Variants in AFG1L observed in about 807,000 individuals in gnomAD.
The protein encoded by AFG1L is AFG1-like ATPase.
In AFG1L, 53 loss-of-function variants were observed where a neutral mutation model predicts 62.2. The observed-to-expected ratio is 0.85, with a 90% CI of 0.68 to 1.07. The LOEUF (loss-of-function observed/expected upper bound fraction) is 1.07. AFG1L is among the 50% of genes least tolerant of loss of function. The pLI, the probability that AFG1L is intolerant of heterozygous loss-of-function variation, is 0.00. For synonymous variants in AFG1L, 228 were observed against 210.3 expected (o/e 1.08, Z -0.73); for missense variants, 555 against 590.5 (o/e 0.94, Z 0.62).
intron 8 of AFG1L, among the ~76,000 whole-genome samples, chr6:108,465,656 A>ACTGCTG (rs10574143): frequency 2.0e-5 from 3 of 150,714 alleles, no homozygotes; most frequent in East Asian, 1.9e-4. Context: ...TCATAGAGTC[A>ACTGCTG]CTGCTGCTGC....
intron 1 of AFG1L, among the ~76,000 whole-genome samples, chr6:108,317,096 A>G (rs1427964066): frequency 6.6e-6 from 1 of 152,208 alleles, no homozygotes; most frequent in Admixed American, 6.5e-5. Context: ...TTGTAAGGAT[A>G]TCAGTGACAA....
At chr6:108,486,584 A>G (rs970247294) in intron 10 of AFG1L, among the ~76,000 whole-genome samples, 1 of 152,238 alleles carries the variant, frequency 6.6e-6, no homozygotes, top group Admixed American at 6.5e-5. Context: ...CTTAAGAATT[A>G]TAAGATTTTC....
chr6:108,322,049 G>A (rs1200918003), intron 1 of AFG1L, among the ~76,000 whole-genome samples: 1 of 151,964 alleles, frequency 6.6e-6, no homozygotes, highest in Non-Finnish European at 1.5e-5. Context: ...TTTAAGCCTG[G>A]CTAATTAAAA....
intron 7 of AFG1L, among the ~76,000 whole-genome samples, chr6:108,405,453 C>T (rs964482372): frequency 2.6e-5 from 4 of 152,028 alleles, no homozygotes; most frequent in African/African-American, 9.7e-5. Context: ...CTCAGGTGAT[C>T]CTCCTGCCCC....
intron 7 of AFG1L, among the ~76,000 whole-genome samples, chr6:108,405,066 C>T (rs1407763470): frequency 1.3e-5 from 2 of 152,068 alleles, no homozygotes; most frequent in Non-Finnish European, 2.9e-5. Flanking sequence ...GTGAATGGAG[C>T]TTTTAAATAT....
At chr6:108,440,006 A>G (rs1771471881) in intron 7 of AFG1L, among the ~76,000 whole-genome samples, 1 of 151,472 alleles carries the variant, frequency 6.6e-6, no homozygotes, top group Non-Finnish European at 1.5e-5. Flanking sequence ...AGAACTATAT[A>G]TAATATGATA....
In AFG1L at chr6:108,316,572, T is replaced by C. The variant is rs569389613; in HGVS notation, c.140-7253T>C. On this transcript the variant is annotated intron_variant, in intron 1 of 12. Transcript: ENST00000368977. ...TTTTTGAGATAGAGTCTCACTCTGT[T>C]GCCCAGGCTGGAGTGCAGTGGTGCG... is the stretch of plus-strand genomic sequence containing the variant. Among the ~76,000 whole-genome samples, 6 of 147,406 alleles carry C rather than the reference T, an allele frequency of 4.1e-5. No individual in the cohort carries two copies. In the East Asian group the frequency reaches 6.1e-4, roughly 15 times the overall value.
At chr6:108,485,181 T>G (rs1241383106) in intron 10 of AFG1L, among the ~76,000 whole-genome samples, 1 of 152,176 alleles carries the variant, frequency 6.6e-6, no homozygotes, top group Non-Finnish European at 1.5e-5. Flanking sequence ...CAAGAGCAGC[T>G]TCTTAGATGA....
At chr6:108,428,095 C>T (rs1048577418) in intron 7 of AFG1L, among the ~76,000 whole-genome samples, 3 of 152,000 alleles carry the variant, frequency 2.0e-5, no homozygotes, top group African/African-American at 7.3e-5. Flanking sequence ...TATACTCACC[C>T]CTCTATAACC....
intron 6 of AFG1L, among the ~76,000 whole-genome samples, chr6:108,385,639 T>C (rs1562124268): frequency 6.6e-6 from 1 of 152,164 alleles, no homozygotes; most frequent in Non-Finnish European, 1.5e-5. Context: ...TTTCTGTACG[T>C]GTGTCTTTAA....
intron 6 of AFG1L, among the ~76,000 whole-genome samples, chr6:108,369,156 C>T (rs1426221625): frequency 6.6e-6 from 1 of 152,014 alleles, no homozygotes. Flanking sequence ...CTCAGAGAGA[C>T]TAAGCATATC....
chr6:108,459,492 A>G (rs560925689), intron 8 of AFG1L, among the ~76,000 whole-genome samples: 55 of 152,330 alleles, frequency 3.6e-4, no homozygotes, highest in Middle Eastern at 3.4e-3. Context: ...TTTAAGGCAG[A>G]TAGGTAACTC....
At chr6:108,409,048 G>A (rs1781988144) in intron 7 of AFG1L, among the ~76,000 whole-genome samples, 1 of 152,088 alleles carries the variant, frequency 6.6e-6, no homozygotes, top group African/African-American at 2.4e-5. Context: ...CGATAATGTA[G>A]AATAATGCTT....
At chr6:108,509,540 G>A (rs977796243) in intron 10 of AFG1L, among the ~76,000 whole-genome samples, 1 of 152,142 alleles carries the variant, frequency 6.6e-6, no homozygotes, top group Non-Finnish European at 1.5e-5. Context: ...TCACGGGAAG[G>A]GTTTATTAGG....
At chr6:108,459,696 G>T (rs539433436) in intron 8 of AFG1L, among the ~76,000 whole-genome samples, 84 of 152,258 alleles carry the variant, frequency 5.5e-4, no homozygotes, top group African/African-American at 1.8e-3. Context: ...TTGAAAAAAT[G>T]TTGAGAGAAT....
chr6:108,498,534 T>C (rs553295124), intron 10 of AFG1L, among the ~76,000 whole-genome samples: 4 of 152,194 alleles, frequency 2.6e-5, no homozygotes, highest in Non-Finnish European at 5.9e-5. Flanking sequence ...GATCAAGATC[T>C]CACACATCAA....
At chr6:108,422,497 A>AAAGAAAAAAAAAAAAAAAAAAAAG (rs1770644307) in intron 7 of AFG1L, among the ~76,000 whole-genome samples, 1 of 147,722 alleles carries the variant, frequency 6.8e-6, no homozygotes, top group African/African-American at 2.5e-5. Flanking sequence ...AAAAAAAAAA[A>AAAGAAAAAAAAAAAAAAAAAAAAG]AAGAAGAAGA....
chr6:108,332,591 C>A (rs1778314350), intron 2 of AFG1L, among the ~76,000 whole-genome samples: 1 of 152,108 alleles, frequency 6.6e-6, no homozygotes. Context: ...AGAGGAGTAA[C>A]TTTGTGAACT....
chr6:108,302,104 G>C (rs1452043755), intron 1 of AFG1L, among the ~76,000 whole-genome samples: 1 of 152,044 alleles, frequency 6.6e-6, no homozygotes, highest in East Asian at 1.9e-4. Context: ...CCACCACCAT[G>C]CCCTGCTAAT....
Sources: gnomAD v4.1 joint callset for allele counts (sites outside exome capture counted in the v4.1 genomes callset) on GRCh38, gnomAD v4.1.1 for gene constraint, MANE v1.5 for transcripts, NCBI Gene and HGNC (gene_info 2026-07-23, HGNC 2026-07-21) for gene names.